The following ANKRD30A variants were observed in gnomAD, a reference collection of about 807,000 sequenced individuals.
ANKRD30A encodes ankyrin repeat domain 30A.
In ANKRD30A, 170 loss-of-function variants were observed where a neutral mutation model predicts 166.3. The observed-to-expected ratio is 1.02, with a 90% CI of 0.90 to 1.16. The LOEUF is 1.16. ANKRD30A is among the 50% of genes most tolerant of loss of function. ANKRD30A has a pLI of 0.00. For synonymous variants in ANKRD30A, 564 were observed against 508.9 expected, an observed-to-expected ratio of 1.11 and a Z score of -1.46; for missense variants, 1,630 against 1,518.0, an observed-to-expected ratio of 1.07 and a Z score of -1.23.
chr10:37,255,293 G>A, the ANKRD30A span, among the ~76,000 whole-genome samples: 1 of 152,118 alleles, frequency 6.6e-6, no homozygotes, highest in African/African-American at 2.4e-5. Context: ...GGAAGGGGGA[G>A]GGTGATAAGA....
intron 6 of ANKRD30A, among the ~76,000 whole-genome samples, chr10:37,137,309 A>G (rs1228668586): frequency 3.9e-5 from 6 of 152,122 alleles, no homozygotes; most frequent in African/African-American, 9.7e-5. Flanking sequence ...GCAGAAAGGG[A>G]TGGGTGATTT....
At chr10:37,197,511 C>G in intron 29 of ANKRD30A, 31 bp downstream of exon 29, 1 of 1,610,810 alleles carries the variant, frequency 6.2e-7, no homozygotes, top group Non-Finnish European at 8.5e-7. Flanking sequence ...ATGCGAAGAC[C>G]AATATTTCAA....
Position 37,147,379 on chromosome 10 carries a change from G to A in ANKRD30A, c.1465G>A (p.Glu489Lys). The A allele has an allele frequency of 1.3e-6, 2 of 1,588,448 alleles. No individual in the cohort carries two copies. The highest frequency in any genetic ancestry group is 1.7e-6 in the Non-Finnish European group (2 of 1,167,052). Residue 489 changes from glutamate (E) to lysine (K), a missense_variant, in exon 9 of 36, where the codon GAG becomes AAG. Glu to Lys is a moderately conservative substitution (Grantham distance 56). Coordinates refer to ENST00000361713, the MANE Select transcript of ANKRD30A (RefSeq NM_052997.3). ...EYSCDSRSLF[E>K]SSAKIQVCIP... Reference sequence around the variant, plus strand: ...ATACTACTTTTAACAGAGTCTCTTTGAGAGTTCTGCAAAGATTCAAGTGTG... The same window carrying A: ...ATACTACTTTTAACAGAGTCTCTTTAAGAGTTCTGCAAAGATTCAAGTGTG...
intron 13 of ANKRD30A, among the ~76,000 whole-genome samples, chr10:37,156,076 A>AT (rs1239497618): frequency 6.9e-6 from 1 of 144,114 alleles, no homozygotes; most frequent in African/African-American, 2.6e-5. Flanking sequence ...GTGATACGCT[A>AT]TCAAAAAAAA....
chr10:37,198,085 T>A (rs1841299724), intron 29 of ANKRD30A, among the ~76,000 whole-genome samples: 1 of 152,132 alleles, frequency 6.6e-6, no homozygotes, highest in Non-Finnish European at 1.5e-5. Flanking sequence ...TTCATGAAAC[T>A]GTGATTCTGA....
rs961265103 is a variant in ANKRD30A, at chr10:37,142,180, C to T, written c.1283C>T (p.Thr428Ile). The change falls in exon 7 of 36, where the codon ACT becomes ATT. Residue 428 changes from threonine (T) to isoleucine (I), a missense_variant. Physicochemically the swap from Thr to Ile is moderately conservative, Grantham distance 89 (BLOSUM62 -1). Around this residue, in one of 4 missense-constraint regions of ANKRD30A, gnomAD observed 904 missense variants for 818.5 expected, o/e 1.10. Transcript: ENST00000361713. ...AWEKKETPVKTGCVARVTSNK... is the reference protein window; with the variant it reads ...AWEKKETPVKIGCVARVTSNK... ...GAGAAAAAAGAAACACCTGTAAAGACTGGATGCGTGGCAAGAGTAACATCT... is the reference window on the plus strand; with the variant it reads ...GAGAAAAAAGAAACACCTGTAAAGATTGGATGCGTGGCAAGAGTAACATCT... 1 of 1,613,964 alleles carries T rather than the reference C, an allele frequency of 6.2e-7. No individual in the cohort carries two copies. Among genetic ancestry groups the T allele is most frequent in the African/African-American group, 1.3e-5 (1 of 75,006 alleles).
chr10:37,178,083 A>G (rs1839873894), intron 24 of ANKRD30A, among the ~76,000 whole-genome samples: 1 of 151,336 alleles, frequency 6.6e-6, no homozygotes, highest in Admixed American at 6.6e-5. Context: ...AAGGAACAAG[A>G]AACAGGTTTA....
the ANKRD30A span, among the ~76,000 whole-genome samples, chr10:37,263,095 T>A: frequency 6.6e-6 from 1 of 152,182 alleles, no homozygotes; most frequent in East Asian, 1.9e-4. Flanking sequence ...TCTCTTATTT[T>A]AGACATTTTC....
At chr10:37,252,866 A>G in the ANKRD30A span, among the ~76,000 whole-genome samples, 1 of 152,308 alleles carries the variant, frequency 6.6e-6, no homozygotes, top group African/African-American at 2.4e-5. Context: ...TGTTTTTTCA[A>G]TATCTAACAA....
At chr10:37,136,831 GTATATA>G (rs71531277) in intron 6 of ANKRD30A, among the ~76,000 whole-genome samples, 160 bp downstream of exon 6, 1 of 141,932 alleles carries the variant, frequency 7.0e-6, no homozygotes, top group African/African-American at 2.6e-5. Context: ...GTGTGTGTGT[GTATATA>G]TATATATATA....
intron 13 of ANKRD30A, among the ~76,000 whole-genome samples, chr10:37,154,065 G>A (rs114307614): frequency 7.6e-4 from 115 of 152,196 alleles, no homozygotes; most frequent in African/African-American, 2.7e-3. Context: ...AGAAATTTGG[G>A]AAGAATATAA....
At chr10:37,156,816 T>G (rs1286882474) in intron 13 of ANKRD30A, among the ~76,000 whole-genome samples, 1 of 152,194 alleles carries the variant, frequency 6.6e-6, no homozygotes, top group Non-Finnish European at 1.5e-5. Flanking sequence ...AATGACCTTC[T>G]CATTGTAATT....
chr10:37,202,091 G>C (rs1021540304), intron 31 of ANKRD30A, among the ~76,000 whole-genome samples: 1 of 151,974 alleles, frequency 6.6e-6, no homozygotes, highest in African/African-American at 2.4e-5. Context: ...GGCCTTTTGT[G>C]GGAAAAATGT....
chr10:37,239,562 C>T, the ANKRD30A span, among the ~76,000 whole-genome samples: 1 of 151,956 alleles, frequency 6.6e-6, no homozygotes, highest in Non-Finnish European at 1.5e-5. Context: ...TAAGGAAAAA[C>T]CTATTGAAGT....
chr10:37,195,577 C>A (rs1468575618), intron 27 of ANKRD30A, among the ~76,000 whole-genome samples: 1 of 152,078 alleles, frequency 6.6e-6, no homozygotes, highest in Non-Finnish European at 1.5e-5. Flanking sequence ...AAAACATAAA[C>A]AAAAGATAGT....
intron 27 of ANKRD30A, among the ~76,000 whole-genome samples, chr10:37,194,802 T>TAAA (rs1397702304): frequency 2.0e-5 from 3 of 152,174 alleles, no homozygotes; most frequent in African/African-American, 7.2e-5. Context: ...CACATTTAAT[T>TAAA]AGACCGTCTT....
chr10:37,156,259 C>T (rs1838372124), intron 13 of ANKRD30A, among the ~76,000 whole-genome samples: 1 of 152,172 alleles, frequency 6.6e-6, no homozygotes. Context: ...AATCCAAGTA[C>T]GTACAGCCAT....
chr10:37,155,195 T>C (rs1838272444), intron 13 of ANKRD30A, among the ~76,000 whole-genome samples: 1 of 152,210 alleles, frequency 6.6e-6, no homozygotes, highest in South Asian at 2.1e-4. Context: ...AAAAGTCTAT[T>C]GCAACTAAAT....
intron 27 of ANKRD30A, among the ~76,000 whole-genome samples, chr10:37,196,200 A>G (rs1164871736): frequency 6.7e-6 from 1 of 150,140 alleles, no homozygotes; most frequent in Non-Finnish European, 1.5e-5. Flanking sequence ...AAAACAGTTG[A>G]GTGAACTCAC....
Sources: allele counts gnomAD v4.1 joint callset (sites outside exome capture counted in the v4.1 genomes callset), GRCh38; gene constraint gnomAD v4.1.1; regional missense constraint gnomAD v4.1.1; transcripts MANE v1.5; gene names NCBI Gene and HGNC (gene_info 2026-07-23, HGNC 2026-07-21).